KCNMB2: variants seen among roughly 807,000 people sequenced by gnomAD.
KCNMB2 encodes potassium calcium-activated channel subfamily M regulatory beta subunit 2.
In KCNMB2, 9 loss-of-function variants were observed where a neutral mutation model predicts 24.5. The ratio of observed to expected loss-of-function variants is 0.37; its 90% CI spans 0.22 to 0.64. The LOEUF (loss-of-function observed/expected upper bound fraction) is 0.64, where lower values mean the gene tolerates loss of function less well. KCNMB2 is among the 30% of genes least tolerant of loss of function. The pLI, the probability that KCNMB2 is intolerant of heterozygous loss-of-function variation, is 0.63. For missense variants in KCNMB2, 226 were observed against 284.3 expected, an observed-to-expected ratio of 0.79 and a Z score of 1.47; for synonymous variants, 109 against 104.4, an observed-to-expected ratio of 1.04 and a Z score of -0.27.
At chr3:178,697,166 T>C (rs1318389429) in intron 1 of KCNMB2, among the ~76,000 whole-genome samples, 1 of 152,212 alleles carries the variant, frequency 6.6e-6, no homozygotes, top group Non-Finnish European at 1.5e-5. Flanking sequence ...TTTGTTGATT[T>C]TCTGTCTCAG....
intron 1 of KCNMB2, among the ~76,000 whole-genome samples, chr3:178,604,030 C>A (rs1279798656): frequency 6.6e-6 from 1 of 152,162 alleles, no homozygotes; most frequent in Non-Finnish European, 1.5e-5. Context: ...GCTACCCCAA[C>A]ATGGCTCTGC....
At chr3:178,586,538 CTTTTTTTTTTTTTTTTTTTT>C (rs10677144) in intron 1 of KCNMB2, among the ~76,000 whole-genome samples, 2 of 68,500 alleles carry the variant, frequency 2.9e-5, no homozygotes, top group Non-Finnish European at 5.1e-5. Context: ...TTTTTTCTTT[CTTTTTTTTTTTTTTTTTTTT>C]TTTTTGAGAC....
intron 1 of KCNMB2, among the ~76,000 whole-genome samples, chr3:178,689,869 T>C (rs1721606384): frequency 6.6e-6 from 1 of 152,150 alleles, no homozygotes; most frequent in Admixed American, 6.5e-5. Context: ...AATACAATAT[T>C]ACTGTGGAAA....
chr3:178,683,210 T>G (rs935582802), intron 1 of KCNMB2, among the ~76,000 whole-genome samples: 2 of 152,064 alleles, frequency 1.3e-5, no homozygotes, highest in African/African-American at 4.8e-5. Flanking sequence ...CCTTAGAAAA[T>G]TAATGCAGAA....
chr3:178,736,078 C>A (rs1723307259), intron 1 of KCNMB2, among the ~76,000 whole-genome samples: 1 of 152,120 alleles, frequency 6.6e-6, no homozygotes, highest in South Asian at 2.1e-4. Context: ...CAAGGATTGC[C>A]CTGGGATTCC....
intron 1 of KCNMB2, among the ~76,000 whole-genome samples, chr3:178,593,433 C>T (rs949674733): frequency 2.0e-5 from 3 of 152,090 alleles, no homozygotes; most frequent in South Asian, 2.1e-4. Context: ...GAGAATACTG[C>T]ATCAAAAGAC....
chr3:178,547,416 T>C (rs1003545822), intron 1 of KCNMB2, among the ~76,000 whole-genome samples: 1 of 152,320 alleles, frequency 6.6e-6, no homozygotes, highest in South Asian at 2.1e-4. Flanking sequence ...AAGATAACGC[T>C]ATATTTCTGG....
intron 1 of KCNMB2, among the ~76,000 whole-genome samples, chr3:178,583,022 T>C (rs1327027014): frequency 6.6e-6 from 1 of 152,306 alleles, no homozygotes; most frequent in East Asian, 1.9e-4. Flanking sequence ...ATTGGTTCTC[T>C]TTAAAAATGG....
chr3:178,568,803 ATAGATAGATAGATAATAG>A (rs1243737960), intron 1 of KCNMB2, among the ~76,000 whole-genome samples: 19 of 55,874 alleles, frequency 3.4e-4, no homozygotes, highest in South Asian at 5.8e-4. Context: ...AGATAGATAG[ATAGATAGATAGATAATAG>A]ATAGATAGAT....
rs1560005524 is a variant in KCNMB2 at position 178,757,651 on chromosome 3, GA to G, written c.-67-49691del. Among the ~76,000 whole-genome samples the G allele has an allele frequency of 3.5e-3, 101 of 29,238 alleles. 2 individuals are homozygous for G. The South Asian group carries it at 0.041, about 12-fold the overall frequency. 19.2% of individuals were successfully genotyped at this position (29,238 alleles called of 152,430 possible). ...ATATATATGTATATATATCCAAGAG[GA>G]TATATATATATGTATATATATCCAA... is the stretch of plus-strand genomic sequence containing the variant. On this transcript the variant is annotated intron_variant, in intron 1 of 4. Transcript: ENST00000452583.
At chr3:178,675,599 A>T (rs1398802093) in intron 1 of KCNMB2, among the ~76,000 whole-genome samples, 9 of 152,246 alleles carry the variant, frequency 5.9e-5, no homozygotes, top group Non-Finnish European at 1.2e-4. Flanking sequence ...GTTTTCTTCA[A>T]TAAATATGAA....
chr3:178,638,904 A>T (rs1365355157), intron 1 of KCNMB2, among the ~76,000 whole-genome samples: 2 of 152,170 alleles, frequency 1.3e-5, no homozygotes, highest in Non-Finnish European at 2.9e-5. Context: ...AAATTGTTAA[A>T]TAGATTTTTT....
chr3:178,553,912 G>C (rs549366694), intron 1 of KCNMB2, among the ~76,000 whole-genome samples: 1 of 152,204 alleles, frequency 6.6e-6, no homozygotes. Flanking sequence ...AAGGTAAGCA[G>C]AGAAAAGAAA....
chr3:178,538,308 T>A (rs1190073396), intron 1 of KCNMB2, among the ~76,000 whole-genome samples: 1 of 152,222 alleles, frequency 6.6e-6, no homozygotes, highest in Middle Eastern at 3.2e-3. Flanking sequence ...CATCGTTTTC[T>A]GCTTCTATGT....
intron 1 of KCNMB2, among the ~76,000 whole-genome samples, chr3:178,557,345 G>A (rs757766068): frequency 1.3e-5 from 2 of 152,102 alleles, no homozygotes; most frequent in Non-Finnish European, 2.9e-5. Context: ...ATAGTACCGG[G>A]GTGGCGGAGT....
At chr3:178,735,083 A>C (rs967435264) in intron 1 of KCNMB2, among the ~76,000 whole-genome samples, 2 of 152,240 alleles carry the variant, frequency 1.3e-5, no homozygotes, top group African/African-American at 4.8e-5. Flanking sequence ...AGGATGCCCC[A>C]GCATGTTGCC....
At chr3:178,707,617 G>T (rs1722320510) in intron 1 of KCNMB2, among the ~76,000 whole-genome samples, 1 of 152,114 alleles carries the variant, frequency 6.6e-6, no homozygotes, top group South Asian at 2.1e-4. Context: ...ATGATACCCT[G>T]TGCCAATTCT....
chr3:178,573,597 A>AT (rs1716884070), intron 1 of KCNMB2, among the ~76,000 whole-genome samples: 1 of 151,142 alleles, frequency 6.6e-6, no homozygotes, highest in African/African-American at 2.4e-5. Context: ...AAAAAAAAAA[A>AT]AACTAGCCAG....
chr3:178,706,160 GA>G (rs1722271180), intron 1 of KCNMB2, among the ~76,000 whole-genome samples: 1 of 152,118 alleles, frequency 6.6e-6, no homozygotes, highest in Non-Finnish European at 1.5e-5. Flanking sequence ...ACCAGAGACA[GA>G]AGGTATTTAT....
Sources: gnomAD v4.1 joint callset for allele counts (sites outside exome capture counted in the v4.1 genomes callset) on GRCh38, gnomAD v4.1.1 for gene constraint, MANE v1.5 for transcripts, NCBI Gene and HGNC (gene_info 2026-07-23, HGNC 2026-07-21) for gene names.